TCOF1: variants seen among roughly 807,000 people sequenced by gnomAD.
TCOF1 encodes treacle protein.
In TCOF1, 33 loss-of-function variants were observed where a neutral mutation model predicts 149.0. The observed-to-expected ratio is 0.22, with a 90% CI of 0.17 to 0.30. The LOEUF is 0.30. TCOF1 is among the 10% of genes least tolerant of loss of function. TCOF1 has a pLI of 1.00. For synonymous variants in TCOF1, 789 were observed against 738.8 expected, an observed-to-expected ratio of 1.07 and a Z score of -1.10; for missense variants, 1,728 against 1,840.7, an observed-to-expected ratio of 0.94 and a Z score of 1.12.
In TCOF1 at chr5:150,392,005, T is replaced by A; in HGVS notation, c.3346T>A (p.Ser1116Thr). Residue 1116 changes from serine to threonine, a missense_variant, in exon 21 of 27, where the codon TCC (serine) becomes ACC (threonine). Ser to Thr is a moderately conservative substitution (Grantham distance 58). Coordinates refer to ENST00000643257, the MANE Select transcript of TCOF1 (RefSeq NM_001371623.1). ...TLPATSPQST[S>T]VQAKGTNKLR... ...CCCTGCAACAAGTCCCCAGAGCACC[T>A]CCGTCCAGGCCAAAGGGACCAACAA... The A allele has an allele frequency of 6.2e-7, 1 of 1,614,146 alleles. No individual in the cohort carries two copies. The highest frequency in any genetic ancestry group is 8.5e-7 in the Non-Finnish European group (1 of 1,180,024).
rs756856750 is a variant in TCOF1, at chr5:150,376,286, G to C, written c.2098G>C (p.Asp700His). 6 of 1,614,186 alleles carry C rather than the reference G, an allele frequency of 3.7e-6. No homozygotes were observed. Among genetic ancestry groups the C allele is most frequent in the Non-Finnish European group, 5.1e-6 (6 of 1,180,032 alleles). ...GGATTCTTCAAGCAGTGAGGAATCA[G>C]ATAGTGAGGAAGAGAAGACAGGTCT... ...AEDSSSSEES[D>H]SEEEKTGLAV... The change falls in exon 13 of 27, where the codon GAT becomes CAT. Residue 700 changes from aspartate (D) to histidine (H), a missense_variant. By Grantham distance (81) the Asp-to-His change is moderately conservative. This residue lies in a region of TCOF1 where 1,696 missense variants were observed against 1,765.4 expected (regional missense o/e 0.96). Coordinates refer to ENST00000643257, the MANE Select transcript of TCOF1 (RefSeq NM_001371623.1).
intron 3 of TCOF1, among the ~76,000 whole-genome samples, chr5:150,365,768 G>C (rs1761199882): frequency 6.6e-6 from 1 of 151,768 alleles, no homozygotes; most frequent in Non-Finnish European, 1.5e-5. Context: ...TTGAACTCCT[G>C]GCCTCAAGTG....
chr5:150,364,840 C>A (rs1181112300), intron 3 of TCOF1: 1 of 154,042 alleles, frequency 6.5e-6, no homozygotes, highest in African/African-American at 2.4e-5. Flanking sequence ...GTCTCCTTTG[C>A]ATCGTATTAT....
At chr5:150,375,965 C>T (rs1436849591) in intron 12 of TCOF1, 56 bp downstream of exon 12, 5 of 1,613,766 alleles carry the variant, frequency 3.1e-6, no homozygotes, top group African/African-American at 2.7e-5. Flanking sequence ...CCACAGTCAG[C>T]ACCCCCGGGG....
chr5:150,362,124 T>C (rs1001269689), intron 2 of TCOF1, among the ~76,000 whole-genome samples: 8 of 152,276 alleles, frequency 5.3e-5, no homozygotes, highest in Middle Eastern at 3.4e-3. Flanking sequence ...AAGTATCTTA[T>C]TGACTCCACA....
In TCOF1 at chr5:150,379,329, C is replaced by G; in HGVS notation, c.2579C>G (p.Ala860Gly). 1 of 1,614,220 alleles carries G rather than the reference C, an allele frequency of 6.2e-7. No homozygotes were observed. The highest frequency in any genetic ancestry group is 8.5e-7 in the Non-Finnish European group (1 of 1,180,046). The stretch of plus-strand genomic sequence containing the variant: ...AAGGCCGTGGCTACAGCAGCTCAGG[C>G]CCAGACAGGGCCAGAGGAGGACTCA... ...VGKAVATAAQAQTGPEEDSGS... is the reference protein window; with the variant it reads ...VGKAVATAAQGQTGPEEDSGS... The change falls in exon 16 of 27, where the codon GCC becomes GGC. Residue 860 changes from alanine (A) to glycine (G), a missense_variant. Physicochemically the swap from Ala to Gly is moderately conservative, Grantham distance 60 (BLOSUM62 0). Around this residue, in one of 2 missense-constraint regions of TCOF1, gnomAD observed 1,696 missense variants for 1,765.4 expected, o/e 0.96. Coordinates refer to ENST00000643257, the MANE Select transcript of TCOF1 (RefSeq NM_001371623.1).
At chr5:150,363,997 A>G (rs1760731474) in intron 2 of TCOF1, 116 bp from the exon 3 acceptor site, 4 of 1,486,282 alleles carry the variant, frequency 2.7e-6, no homozygotes, top group South Asian at 1.2e-5. Flanking sequence ...ACCACTGTTT[A>G]GATTCTATGC....
intron 17 of TCOF1, among the ~76,000 whole-genome samples, chr5:150,386,932 C>T (rs181431643): frequency 2.0e-5 from 3 of 152,256 alleles, no homozygotes; most frequent in African/African-American, 7.2e-5. Context: ...TTATTGTTTC[C>T]TTGGAAAATT....
chr5:150,374,517 G>T, intron 8 of TCOF1, 100 bp from the exon 9 acceptor site: 2 of 1,583,312 alleles, frequency 1.3e-6, no homozygotes, highest in Middle Eastern at 2.3e-4. Flanking sequence ...CCCTCTCACT[G>T]TGTGGCATCA....
At chr5:150,363,093 G>A (rs1760535471) in intron 2 of TCOF1, among the ~76,000 whole-genome samples, 2 of 152,076 alleles carry the variant, frequency 1.3e-5, no homozygotes, top group African/African-American at 4.8e-5. Context: ...TAAAACTACC[G>A]GTTGGAGGCT....
chr5:150,388,170 T>A, intron 18 of TCOF1, 82 bp downstream of exon 18: 1 of 1,579,570 alleles, frequency 6.3e-7, no homozygotes, highest in South Asian at 1.1e-5. Context: ...GGACACTGGC[T>A]GAGTCACATA....
chr5:150,368,964 G>A (rs1202830121), intron 5 of TCOF1, 62 bp downstream of exon 5: 1 of 1,595,834 alleles, frequency 6.3e-7, no homozygotes, highest in Non-Finnish European at 8.6e-7. Flanking sequence ...GGCAGGCCTA[G>A]GCATTGCTTT....
chr5:150,372,383 C>T, intron 7 of TCOF1, 147 bp downstream of exon 7: 1 of 720,662 alleles, frequency 1.4e-6, no homozygotes. Context: ...CTGCTTCCCA[C>T]AGGGGAGTCT....
chr5:150,381,091 T>C (rs1765067841), intron 17 of TCOF1, among the ~76,000 whole-genome samples: 2 of 152,160 alleles, frequency 1.3e-5, no homozygotes, highest in African/African-American at 4.8e-5. Flanking sequence ...CGGAGAGCCC[T>C]TGCCCCATCC....
intron 25 of TCOF1, 134 bp downstream of exon 25, chr5:150,398,585 C>T: frequency 7.2e-7 from 1 of 1,379,480 alleles, no homozygotes; most frequent in African/African-American, 1.4e-5. Flanking sequence ...TGTGACACAC[C>T]AGGGAAGAGG....
Position 150,375,732 on chromosome 5 carries a change from G to C in TCOF1, c.1716G>C (p.Leu572Phe). Residue 572 changes from leucine to phenylalanine, a missense_variant, in exon 12 of 27, where the codon TTG becomes TTC. Leu to Phe is a conservative substitution (Grantham distance 22, BLOSUM62 0). Around this residue, in one of 2 missense-constraint regions of TCOF1, gnomAD observed 1,696 missense variants for 1,765.4 expected, o/e 0.96. Transcript: ENST00000643257. Reference sequence around the variant, plus strand: ...GTATCTCACTCCAGGAAAAGTCCTTGGGGAACATCCTCCAGGCCAAACCCA... The same window carrying C: ...GTATCTCACTCCAGGAAAAGTCCTTCGGGAACATCCTCCAGGCCAAACCCA... Reference protein sequence around the residue: ...TAVAPAQEKSLGNILQAKPTS... With the variant: ...TAVAPAQEKSFGNILQAKPTS... The C allele has an allele frequency of 6.2e-7, 1 of 1,614,240 alleles. No individual in the cohort carries two copies.
intron 1 of TCOF1, 57 bp downstream of exon 1, chr5:150,357,911 C>CCG (rs1759000222): frequency 6.6e-7 from 1 of 1,511,796 alleles, no homozygotes; most frequent in South Asian, 1.2e-5. Flanking sequence ...GATCAGCGGC[C>CCG]CGCGGCCCGC....
chr5:150,397,172 AAAG>A (rs1350536214), intron 24 of TCOF1, among the ~76,000 whole-genome samples: 16 of 151,684 alleles, frequency 1.1e-4, no homozygotes, highest in Middle Eastern at 3.4e-3. Context: ...AAAAAAAAAA[AAAG>A]GCTGAGAAGT....
chr5:150,398,415 TTCTGAG>T lies in TCOF1; in HGVS notation c.4410_4415del (p.Glu1471_Ser1472del). The T allele has an allele frequency of 6.2e-7, 1 of 1,614,120 alleles. No homozygotes were observed. Among genetic ancestry groups the T allele is most frequent in the Non-Finnish European group, 8.5e-7 (1 of 1,180,010 alleles). ...AAGCAAAAAAGGCCTCAACCAAAGA[TTCTGAG>T]TCACCGTCCCAGAAGAAAAAGAAGA... On this transcript the variant is annotated inframe_deletion, in exon 25 of 27. Coordinates refer to ENST00000643257, the MANE Select transcript of TCOF1 (RefSeq NM_001371623.1).
Sources: gnomAD v4.1 joint callset for allele counts (sites outside exome capture counted in the v4.1 genomes callset) on GRCh38, gnomAD v4.1.1 for gene constraint, gnomAD v4.1.1 regional missense constraint, MANE v1.5 for transcripts, NCBI Gene and HGNC (gene_info 2026-07-23, HGNC 2026-07-21) for gene names.